SPATS2L: variants seen among roughly 807,000 people sequenced by gnomAD.
SPATS2L encodes the protein spermatogenesis associated serine rich 2 like, also known as SPATS2-like protein.
In SPATS2L, 30 loss-of-function variants were observed where a neutral mutation model predicts 59.6. The observed-to-expected ratio is 0.50, with a 90% confidence interval of 0.38 to 0.68. The LOEUF (loss-of-function observed/expected upper bound fraction) is 0.68, where lower values mean the gene tolerates loss of function less well. SPATS2L is among the 30% of genes least tolerant of loss of function. The probability of loss-of-function intolerance (pLI) is 0.00; values close to 1 mark genes in which losing one functional copy is unlikely to be tolerated. For synonymous variants in SPATS2L, 252 were observed against 263.5 expected, an observed-to-expected ratio of 0.96 and a Z score of 0.42; for missense variants, 615 against 700.0, an observed-to-expected ratio of 0.88 and a Z score of 1.37.
At chr2:200,332,741 T>A (rs995817137) in intron 2 of SPATS2L, among the ~76,000 whole-genome samples, 2 of 123,124 alleles carry the variant, frequency 1.6e-5, no homozygotes, top group Admixed American at 9.8e-5. Context: ...ATTATATTTT[T>A]TTTTTGAAAA....
At chr2:200,307,246 G>A (rs981433041) in intron 1 of SPATS2L, among the ~76,000 whole-genome samples, 1 of 151,530 alleles carries the variant, frequency 6.6e-6, no homozygotes, top group African/African-American at 2.4e-5. Context: ...GTACCCGCCC[G>A]CCCCGGATCT....
intron 2 of SPATS2L, among the ~76,000 whole-genome samples, chr2:200,356,641 C>G (rs1377483426): frequency 1.3e-5 from 2 of 152,136 alleles, no homozygotes; most frequent in Non-Finnish European, 2.9e-5. Context: ...AACTTATCAA[C>G]TAGATTCAAT....
At chr2:200,367,367 G>A (rs1031460825) in intron 2 of SPATS2L, among the ~76,000 whole-genome samples, 2 of 152,096 alleles carry the variant, frequency 1.3e-5, no homozygotes, top group South Asian at 2.1e-4. Flanking sequence ...CCATGACCTC[G>A]TGTGGACAGA....
chr2:200,308,973 G>T, intron 1 of SPATS2L: 1 of 711,920 alleles, frequency 1.4e-6, no homozygotes, highest in Admixed American at 2.0e-5. Flanking sequence ...TTATCTGTGG[G>T]CTTGAGAAGC....
chr2:200,306,804 C>T lies in SPATS2L; in HGVS notation c.-191C>T. 1 of 980,958 alleles carries T rather than the reference C, an allele frequency of 1.0e-6. No homozygotes were observed. Among genetic ancestry groups the T allele is most frequent in the East Asian group, 1.2e-4 (1 of 8,630 alleles). 60.8% of individuals were successfully genotyped at this position (980,958 alleles called of 1,614,324 possible). A position where few individuals can be genotyped will look rare whatever the true frequency, so the allele number is the denominator to read the frequency against. ...ACGGCGCGCGGCCCAGGCAGCGGCT[C>T]CCGCTCGGCCCGCCCTCCGAGCCGC... On this transcript the variant is annotated 5_prime_UTR_variant, in exon 1 of 13. Coordinates refer to ENST00000409140, the MANE Select transcript of SPATS2L (RefSeq NM_001100423.2).
chr2:200,356,804 G>A (rs2080932565), intron 2 of SPATS2L, among the ~76,000 whole-genome samples: 1 of 152,178 alleles, frequency 6.6e-6, no homozygotes, highest in African/African-American at 2.4e-5. Context: ...TAGGAAGTAT[G>A]GCATTGGTGT....
At chr2:200,369,977 A>G (rs893513023) in intron 2 of SPATS2L, among the ~76,000 whole-genome samples, 5 of 152,208 alleles carry the variant, frequency 3.3e-5, no homozygotes, top group African/African-American at 1.2e-4. Flanking sequence ...TAAGGGTAAA[A>G]CAAAATGTGA....
intron 2 of SPATS2L, among the ~76,000 whole-genome samples, chr2:200,373,549 CAAG>C: frequency 6.6e-6 from 1 of 152,242 alleles, no homozygotes; most frequent in East Asian, 1.9e-4. Context: ...GTAAAACAAA[CAAG>C]AGTGTCTTTT....
Position 200,416,375 on chromosome 2 carries a change from C to T in SPATS2L, c.149-4C>T, listed in dbSNP as rs773209083. On this transcript the variant is annotated splice_polypyrimidine_tract_variant and splice_region_variant and intron_variant, in intron 4 of 12. Coordinates refer to ENST00000409140, the MANE Select transcript of SPATS2L (RefSeq NM_001100423.2). The stretch of plus-strand genomic sequence containing the variant: ...TTTGTTGAAGATTCTTTGTCTTTAT[C>T]TAGGCAGTGCAATTCAAGTTCTAAA... The T allele has an allele frequency of 3.5e-6, 5 of 1,446,068 alleles. No homozygotes were observed. Among genetic ancestry groups the T allele is most frequent in the Non-Finnish European group, 4.6e-6 (5 of 1,076,790 alleles). 89.6% of individuals were successfully genotyped at this position (1,446,068 alleles called of 1,614,324 possible).
At position 200,462,706 on chromosome 2, in the gene SPATS2L, C is replaced by G. The variant is rs993987460; in HGVS notation, c.847+2879C>G. Among the ~76,000 whole-genome samples the G allele has an allele frequency of 2.6e-5, 4 of 152,130 alleles. No individual in the cohort carries two copies. In the South Asian group the frequency reaches 8.3e-4, roughly 32 times the overall value. ...CCAAGGCAGGAGGATTGCTTGAGGC[C>G]AAGAGTTCGAGACCAAGCCTGGGCA... On this transcript the variant is annotated intron_variant, in intron 9 of 12. Transcript: ENST00000409140.
At chr2:200,463,070 T>C (rs1453000553) in intron 9 of SPATS2L, among the ~76,000 whole-genome samples, 15 of 152,114 alleles carry the variant, frequency 9.9e-5, no homozygotes, top group Admixed American at 9.2e-4. Context: ...TATTAGTAAA[T>C]TACCCCAACC....
chr2:200,357,029 T>C (rs1228763311), intron 2 of SPATS2L, among the ~76,000 whole-genome samples: 1 of 152,178 alleles, frequency 6.6e-6, no homozygotes, highest in East Asian at 1.9e-4. Flanking sequence ...ACATGAACTT[T>C]AAGGGATACA....
chr2:200,416,502 G>T, intron 5 of SPATS2L, 74 bp downstream of exon 5: 1 of 877,964 alleles, frequency 1.1e-6, no homozygotes. Context: ...TTTTAACAAG[G>T]CTGCCAATTT....
rs2087696222 is a variant in SPATS2L, at chr2:200,478,479, A to G, written c.*448A>G. The G allele has an allele frequency of 6.5e-6, 1 of 153,252 alleles. No individual in the cohort carries two copies. The highest frequency in any genetic ancestry group is 1.5e-5 in the Non-Finnish European group (1 of 68,504). The allele number at this position is 153,252 out of a possible 1,614,324, so 9.5% of individuals were successfully genotyped here. A position where few individuals can be genotyped will look rare whatever the true frequency, so the allele number is the denominator to read the frequency against. ...ACATCTGGTGTTTTTCTGAAAAAAT[A>G]TATATACATATATTGCTTTATTTGA... is the stretch of plus-strand genomic sequence containing the variant. On this transcript the variant is annotated 3_prime_UTR_variant, in exon 13 of 13. Coordinates refer to ENST00000409140, the MANE Select transcript of SPATS2L (RefSeq NM_001100423.2).
chr2:200,427,643 T>C (rs1437400163), intron 6 of SPATS2L, among the ~76,000 whole-genome samples: 3 of 151,888 alleles, frequency 2.0e-5, no homozygotes, highest in African/African-American at 7.3e-5. Context: ...CCCTCTGAGC[T>C]CATCAAGCTT....
chr2:200,395,699 A>G (rs1232240261), intron 3 of SPATS2L, among the ~76,000 whole-genome samples: 2 of 152,152 alleles, frequency 1.3e-5, no homozygotes, highest in African/African-American at 4.8e-5. Flanking sequence ...CAATTAAAAA[A>G]TGGAAAAAGA....
Position 200,419,456 on chromosome 2 carries a change from G to C in SPATS2L, c.405G>C (p.Ser135=), listed in dbSNP as rs774982385. 3.1e-6 allele frequency: 5 copies of C among 1,613,750 alleles called. No homozygotes were observed. Among genetic ancestry groups the C allele is most frequent in the East Asian group, 2.2e-5 (1 of 44,848 alleles). Residue 135 remains serine, a synonymous_variant, in exon 6 of 13, where the codon TCG becomes TCC. Coordinates refer to ENST00000409140, the MANE Select transcript of SPATS2L (RefSeq NM_001100423.2). ...TTATCCCTCGTGAGAAAAAGATCTC[G>C]ATACTTGAGGAACCTTCAAAGGCAC... ...PALIPREKKI[S]ILEEPSKALR... is the part of the protein sequence containing the mutation.
At chr2:200,360,573 G>T (rs2081062647) in intron 2 of SPATS2L, among the ~76,000 whole-genome samples, 4 of 152,194 alleles carry the variant, frequency 2.6e-5, no homozygotes, top group African/African-American at 4.8e-5. Flanking sequence ...GGGAGAGGAA[G>T]GGGGGTTACC....
At chr2:200,371,819 C>T (rs1218435102) in intron 2 of SPATS2L, among the ~76,000 whole-genome samples, 3 of 152,286 alleles carry the variant, frequency 2.0e-5, no homozygotes, top group East Asian at 3.9e-4. Context: ...AGATGCTTCT[C>T]ATGAAGGTTG....
Sources: allele counts gnomAD v4.1 joint callset (sites outside exome capture counted in the v4.1 genomes callset), GRCh38; gene constraint gnomAD v4.1.1; transcripts MANE v1.5; gene names NCBI Gene and HGNC (gene_info 2026-07-23, HGNC 2026-07-21).